The following TOLLIP variants were observed in gnomAD, a reference collection of about 807,000 sequenced individuals.
The protein encoded by TOLLIP is toll-interacting protein.
A neutral mutation model predicts 33.5 loss-of-function variants in TOLLIP; 16 were observed. The observed-to-expected ratio is 0.48, with a 90% CI of 0.32 to 0.72. The LOEUF (loss-of-function observed/expected upper bound fraction) is 0.72, where lower values mean the gene tolerates loss of function less well. Ranked by LOEUF, TOLLIP falls within the 30% of genes least tolerant of loss-of-function variation. The pLI, the probability that TOLLIP is intolerant of heterozygous loss-of-function variation, is 0.03. For synonymous variants in TOLLIP, 176 were observed against 163.7 expected (o/e 1.07, Z -0.57); for missense variants, 325 against 396.6 (o/e 0.82, Z 1.53).
At chr11:1,289,979 G>C in intron 3 of TOLLIP, 1 of 512,548 alleles carries the variant, frequency 2.0e-6, no homozygotes, top group Non-Finnish European at 3.5e-6. Context: ...ACACGTGCAC[G>C]CTGTATCCCT....
intron 5 of TOLLIP, among the ~76,000 whole-genome samples, chr11:1,280,551 G>A (rs1178133638): frequency 6.6e-6 from 1 of 152,082 alleles, no homozygotes; most frequent in African/African-American, 2.4e-5. Context: ...AGGCCCGTGT[G>A]AAATGGAGGT....
At chr11:1,305,590 A>C (rs182118263) in intron 1 of TOLLIP, among the ~76,000 whole-genome samples, 546 of 152,346 alleles carry the variant, frequency 3.6e-3, no homozygotes, top group Non-Finnish European at 6.1e-3. Context: ...CCCAGTTAAT[A>C]AACACCGAAG....
chr11:1,305,186 C>A (rs1388741982), intron 1 of TOLLIP, among the ~76,000 whole-genome samples: 1 of 152,236 alleles, frequency 6.6e-6, no homozygotes, highest in African/African-American at 2.4e-5. Context: ...AGCAATTCCA[C>A]ACCTGTACAG....
In TOLLIP at chr11:1,278,525, C is replaced by T. The variant is rs1389094758; in HGVS notation, c.611-1272G>A. ...CTTGCCACCAAGCCTCCTGCACCTG[C>T]TGCAAAGGCCAGGACTCCTCAGCAA... is the stretch of plus-strand genomic sequence containing the variant. On this transcript the variant is annotated intron_variant, in intron 5 of 5. Coordinates refer to ENST00000317204, the MANE Select transcript of TOLLIP (RefSeq NM_019009.4). This position sits in a 1 kb window ranked among gnomAD's most constrained non-coding sequence, Gnocchi z 4.7. 2.0e-5 allele frequency among the ~76,000 whole-genome samples: 3 copies of T among 152,164 alleles called. No individual in the cohort carries two copies. Among genetic ancestry groups the T allele is most frequent in the African/African-American group, 7.2e-5 (3 of 41,444 alleles).
intron 1 of TOLLIP, among the ~76,000 whole-genome samples, chr11:1,304,158 C>CG (rs113471882): frequency 3.9e-5 from 6 of 152,104 alleles, no homozygotes; most frequent in African/African-American, 1.4e-4. Flanking sequence ...CATCCACTCC[C>CG]GGGCTGCTCA....
Position 1,275,369 on chromosome 11 carries a change from G to A in TOLLIP, c.*1670C>T, listed in dbSNP as rs1334673587. ...GAGTGTGGCTTGTGGTCTGTCCTGG[G>A]TTAGAGTTGTTAATATCACGGAACA... On this transcript the variant is annotated 3_prime_UTR_variant, in exon 6 of 6. Coordinates refer to ENST00000317204, the MANE Select transcript of TOLLIP (RefSeq NM_019009.4). 8 of 152,354 alleles carry A rather than the reference G, an allele frequency of 5.3e-5. 1 individual carries two copies. Among genetic ancestry groups the A allele is most frequent in the Admixed American group, 4.6e-4 (7 of 15,308 alleles). 9.4% of individuals were successfully genotyped at this position (152,354 alleles called of 1,614,324 possible).
intron 5 of TOLLIP, among the ~76,000 whole-genome samples, chr11:1,281,115 CAT>C (rs1399752727): frequency 6.6e-6 from 1 of 152,234 alleles, no homozygotes. Context: ...CCTATAACCA[CAT>C]GATGCCTACC....
rs1418289250 is a variant in TOLLIP, at chr11:1,290,210, T to G, written c.366+17A>C. ...AGCCACGTGCAGCCTCCATAATAGC[T>G]GGCACGTCCCTCTCACCTCATCGAA... On this transcript the variant is annotated intron_variant, in intron 3 of 5. Coordinates refer to ENST00000317204, the MANE Select transcript of TOLLIP (RefSeq NM_019009.4). The surrounding 1 kb of genome is among the most constrained non-coding windows in gnomAD (Gnocchi z 4.9). The G allele has an allele frequency of 1.2e-6, 2 of 1,608,810 alleles. No individual in the cohort carries two copies. Among genetic ancestry groups the G allele is most frequent in the Non-Finnish European group, 1.7e-6 (2 of 1,176,650 alleles).
intron 3 of TOLLIP, 93 bp from the exon 4 acceptor site, chr11:1,288,869 G>T: frequency 7.1e-7 from 1 of 1,408,120 alleles, no homozygotes; most frequent in Non-Finnish European, 9.6e-7. Context: ...TCGAGTCCCC[G>T]TCTTATCTGT....
At chr11:1,298,896 G>T (rs917424567) in intron 1 of TOLLIP, among the ~76,000 whole-genome samples, 1 of 152,218 alleles carries the variant, frequency 6.6e-6, no homozygotes, top group Non-Finnish European at 1.5e-5. Flanking sequence ...TCCTCAAACC[G>T]TCAAGGTCCC....
Position 1,290,785 on chromosome 11 carries a change from C to A in TOLLIP, c.184-376G>T, listed in dbSNP as rs1863907937. On this transcript the variant is annotated intron_variant, in intron 2 of 5. Transcript: ENST00000317204. This position sits in a 1 kb window ranked among gnomAD's most constrained non-coding sequence, Gnocchi z 4.9. ...CCCGGGACAGAGCTGAGAGCCAGAG[C>A]ATGACATGGAGTGTGAACCTGCCCC... is the stretch of plus-strand genomic sequence containing the variant. The A allele has an allele frequency of 1.5e-5, 3 of 203,122 alleles. No individual in the cohort carries two copies. Among genetic ancestry groups the A allele is most frequent in the Admixed American group, 1.1e-4 (2 of 18,836 alleles). The allele number at this position is 203,122 out of a possible 1,614,324, so 12.6% of individuals were successfully genotyped here.
Position 1,290,504 on chromosome 11 carries a change from C to A in TOLLIP, c.184-95G>T, listed in dbSNP as rs976472939. 3 of 1,207,570 alleles carry A rather than the reference C, an allele frequency of 2.5e-6. No individual in the cohort carries two copies. Among genetic ancestry groups the A allele is most frequent in the South Asian group, 1.4e-5 (1 of 71,030 alleles). 74.8% of individuals were successfully genotyped at this position (1,207,570 alleles called of 1,614,324 possible). On this transcript the variant is annotated intron_variant, in intron 2 of 5. Coordinates refer to ENST00000317204, the MANE Select transcript of TOLLIP (RefSeq NM_019009.4). This position sits in a 1 kb window ranked among gnomAD's most constrained non-coding sequence, Gnocchi z 4.9. ...TGCCTCCCTGAACCCTTCCACGAGG[C>A]CTTTTCCTAACACATAGACTACAGC...
chr11:1,307,120 TG>T (rs1191794371), intron 1 of TOLLIP, among the ~76,000 whole-genome samples: 1 of 152,176 alleles, frequency 6.6e-6, no homozygotes, highest in African/African-American at 2.4e-5. Context: ...ATGGCCATCC[TG>T]AACGCCACAG....
chr11:1,296,673 TGG>T (rs1157673015), intron 1 of TOLLIP, among the ~76,000 whole-genome samples: 20 of 122,640 alleles, frequency 1.6e-4, no homozygotes, highest in African/African-American at 5.5e-4. Context: ...TGGTTGCTGG[TGG>T]AGTGGGGTGG....
intron 1 of TOLLIP, chr11:1,302,732 G>A: frequency 3.0e-6 from 3 of 985,600 alleles, no homozygotes; most frequent in Non-Finnish European, 3.6e-6. Flanking sequence ...AACAACCCTT[G>A]AGCAAATAAG....
At chr11:1,301,684 C>T (rs1864282632) in intron 1 of TOLLIP, among the ~76,000 whole-genome samples, 1 of 152,142 alleles carries the variant, frequency 6.6e-6, no homozygotes, top group Non-Finnish European at 1.5e-5. Context: ...ACGGAGGCCC[C>T]AACACAGAAG....
rs1590208442 is a variant in TOLLIP at position 1,282,727 on chromosome 11, A to G, written c.610+3275T>C. 2.0e-5 allele frequency among the ~76,000 whole-genome samples: 3 copies of G among 152,088 alleles called. No homozygotes were observed. In the South Asian group the frequency reaches 6.2e-4, roughly 31 times the overall value. ...GCACACCAACATGGCACACGGATAC[A>G]TATGTAACAAACCTGCACGTTGTGC... On this transcript the variant is annotated intron_variant, in intron 5 of 5. Coordinates refer to ENST00000317204, the MANE Select transcript of TOLLIP (RefSeq NM_019009.4).
chr11:1,284,371 T>C (rs369389832), intron 5 of TOLLIP, among the ~76,000 whole-genome samples: 12 of 151,730 alleles, frequency 7.9e-5, no homozygotes, highest in African/African-American at 2.7e-4. Context: ...TTTTTTGAGA[T>C]GGAGTCTTGC....
At chr11:1,293,518 C>T (rs897501531) in intron 2 of TOLLIP, among the ~76,000 whole-genome samples, 9 of 152,206 alleles carry the variant, frequency 5.9e-5, no homozygotes, top group African/African-American at 2.2e-4. Context: ...CCTGTGTGGC[C>T]GCCCAGAAGC....
Sources: gnomAD v4.1 joint callset for allele counts (sites outside exome capture counted in the v4.1 genomes callset) on GRCh38, gnomAD v4.1.1 for gene constraint, Gnocchi (gnomAD v3.1) non-coding constraint, MANE v1.5 for transcripts, NCBI Gene and HGNC (gene_info 2026-07-23, HGNC 2026-07-21) for gene names.